Variants in ADGRB1 observed in about 807,000 individuals in gnomAD.
ADGRB1 encodes brain-specific angiogenesis inhibitor 1.
ADGRB1 carries 36 observed loss-of-function variants against 175.7 expected under a neutral mutation model. The ratio of observed to expected loss-of-function variants is 0.20; its 90% confidence interval spans 0.16 to 0.27. The LOEUF (loss-of-function observed/expected upper bound fraction) is 0.27, where lower values mean the gene tolerates loss of function less well. ADGRB1 is among the 10% of genes least tolerant of loss of function. ADGRB1 has a pLI of 1.00. For missense variants in ADGRB1, 1,731 were observed against 2,255.3 expected (o/e 0.77, Z 4.71); for synonymous variants, 1,054 against 979.4 (o/e 1.08, Z -1.42).
At chr8:142,471,768 G>T (rs910004010) in intron 2 of ADGRB1, among the ~76,000 whole-genome samples, 2 of 152,232 alleles carry the variant, frequency 1.3e-5, no homozygotes, top group African/African-American at 4.8e-5. Context: ...CCTCTGTGGC[G>T]GGAGGAAGGG....
chr8:142,453,723 G>A (rs1839496529), intron 1 of ADGRB1, among the ~76,000 whole-genome samples: 1 of 152,210 alleles, frequency 6.6e-6, no homozygotes. Context: ...CCCACCCCAA[G>A]CACTAAGGCT....
intron 24 of ADGRB1, among the ~76,000 whole-genome samples, chr8:142,526,897 C>G (rs550245754): frequency 2.9e-4 from 44 of 152,326 alleles, no homozygotes; most frequent in African/African-American, 9.6e-4. Context: ...TGCAGGGACA[C>G]CCCGCCTCTG....
intron 26 of ADGRB1, 82 bp from the exon 27 acceptor site, chr8:142,539,292 C>A: frequency 7.0e-7 from 1 of 1,428,974 alleles, no homozygotes. Flanking sequence ...AGCACCGTGG[C>A]CCTCCCGAGC....
At chr8:142,534,570 G>A (rs1160081041) in intron 25 of ADGRB1, among the ~76,000 whole-genome samples, 2 of 152,190 alleles carry the variant, frequency 1.3e-5, no homozygotes, top group Admixed American at 1.3e-4. Context: ...GGAAAGACAA[G>A]AGGAGGAAGA....
At chr8:142,489,575 T>G in intron 16 of ADGRB1, 137 bp downstream of exon 16, 1 of 967,888 alleles carries the variant, frequency 1.0e-6, no homozygotes, top group Non-Finnish European at 1.6e-6. Flanking sequence ...TATCCCTGGA[T>G]TACAGGTGGG....
intron 18 of ADGRB1, among the ~76,000 whole-genome samples, chr8:142,515,953 G>A (rs1843388452): frequency 6.6e-6 from 1 of 152,246 alleles, no homozygotes; most frequent in South Asian, 2.1e-4. Flanking sequence ...GCTACCTGGG[G>A]TAGTTCGAGG....
intron 21 of ADGRB1, 92 bp downstream of exon 21, chr8:142,522,207 T>C (rs1415960824): frequency 7.3e-6 from 11 of 1,508,778 alleles, no homozygotes; most frequent in Non-Finnish European, 9.8e-6. Flanking sequence ...CCCCATCCCC[T>C]GTGGACCCCT....
At position 142,464,530 on chromosome 8, in the gene ADGRB1, C is replaced by T. The variant is rs1423141330; in HGVS notation, c.332C>T (p.Thr111Met). 6.4e-7 allele frequency: 1 copy of T among 1,571,292 alleles called. No individual in the cohort carries two copies. The change falls in exon 2 of 31, where the codon ACG becomes ATG. Residue 111 changes from threonine (T) to methionine (M), a missense_variant. Thr to Met is a moderately conservative substitution (Grantham distance 81). Around this residue, in one of 8 missense-constraint regions of ADGRB1, gnomAD observed 383 missense variants for 383.1 expected, o/e 1.00. Coordinates refer to ENST00000517894, the MANE Select transcript of ADGRB1 (RefSeq NM_001702.3). ...CAGTTCGACTCCTTCCTCGAGTCCA[C>T]GCGCACCTACCTGGGCGTGGAGAGC... is the stretch of plus-strand genomic sequence containing the variant. ...TYQFDSFLES[T>M]RTYLGVESFD...
intron 11 of ADGRB1, 121 bp from the exon 12 acceptor site, chr8:142,483,856 T>A: frequency 9.5e-7 from 1 of 1,053,072 alleles, no homozygotes. Context: ...CACTGAGCCC[T>A]GATCCTGGTC....
At chr8:142,506,788 A>T (rs999581307) in intron 17 of ADGRB1, among the ~76,000 whole-genome samples, 1 of 152,190 alleles carries the variant, frequency 6.6e-6, no homozygotes, top group African/African-American at 2.4e-5. Flanking sequence ...TGCATCCAAG[A>T]TGCACACAAG....
At chr8:142,513,003 C>G (rs562150478) in intron 18 of ADGRB1, among the ~76,000 whole-genome samples, 2 of 152,114 alleles carry the variant, frequency 1.3e-5, no homozygotes, top group African/African-American at 4.8e-5. Context: ...GATACACAGT[C>G]CTGGGCCTTC....
chr8:142,474,716 C>T lies in ADGRB1; in HGVS notation c.785-758C>T, dbSNP rs1840853394. ...CTAGGGGAACACAGGTCCATGAAGGCCGCGGGGACTGTCGGGGCAGGGATG... is the reference window on the plus strand; with the variant it reads ...CTAGGGGAACACAGGTCCATGAAGGTCGCGGGGACTGTCGGGGCAGGGATG... On this transcript the variant is annotated intron_variant, in intron 2 of 30. Transcript: ENST00000517894. The surrounding 1 kb of genome is among the most constrained non-coding windows in gnomAD (Gnocchi z 5.8). Among the ~76,000 whole-genome samples the T allele has an allele frequency of 6.6e-6, 1 of 152,160 alleles. No individual in the cohort carries two copies. The highest frequency in any genetic ancestry group is 1.5e-5 in the Non-Finnish European group (1 of 68,014).
chr8:142,492,615 C>A lies in ADGRB1; in HGVS notation c.2675+1800C>A, dbSNP rs766057258. Among the ~76,000 whole-genome samples, 1 of 152,192 alleles carries A rather than the reference C, an allele frequency of 6.6e-6. No homozygotes were observed. Among genetic ancestry groups the A allele is most frequent in the African/African-American group, 2.4e-5 (1 of 41,438 alleles). On this transcript the variant is annotated intron_variant, in intron 17 of 30. Coordinates refer to ENST00000517894, the MANE Select transcript of ADGRB1 (RefSeq NM_001702.3). This position sits in a 1 kb window ranked among gnomAD's most constrained non-coding sequence, Gnocchi z 4.4. ...GGGATTGGCAGGTCACACCAGGCTC[C>A]TGCCTTCTCTGCACCCCACATGGTG...
chr8:142,489,721 G>A (rs887185928), intron 16 of ADGRB1, among the ~76,000 whole-genome samples: 9 of 152,264 alleles, frequency 5.9e-5, no homozygotes, highest in Non-Finnish European at 8.8e-5. Flanking sequence ...TGGTCATTCC[G>A]CTTCTGAGAA....
intron 2 of ADGRB1, among the ~76,000 whole-genome samples, chr8:142,475,156 C>A (rs1318574120): frequency 6.6e-6 from 1 of 152,198 alleles, no homozygotes; most frequent in East Asian, 1.9e-4. Context: ...CCTCTGCTTA[C>A]CATCAGGACG....
In ADGRB1 at chr8:142,464,560, A is replaced by C; in HGVS notation, c.362A>C (p.Asp121Ala). 6.5e-7 allele frequency: 1 copy of C among 1,549,156 alleles called. No individual in the cohort carries two copies. Among genetic ancestry groups the C allele is most frequent in the Non-Finnish European group, 8.7e-7 (1 of 1,150,128 alleles). Residue 121 changes from aspartate (D) to alanine (A), a missense_variant, in exon 2 of 31, where the codon GAC becomes GCC. By Grantham distance (126) the Asp-to-Ala change is moderately radical. Coordinates refer to ENST00000517894, the MANE Select transcript of ADGRB1 (RefSeq NM_001702.3). ...ACCTACCTGGGCGTGGAGAGCTTCG[A>C]CGAGGTGCTGCGGCTCTGCGACCCC... ...TRTYLGVESF[D>A]EVLRLCDPSA...
intron 19 of ADGRB1, 93 bp downstream of exon 19, chr8:142,518,334 C>G: frequency 7.5e-7 from 1 of 1,334,092 alleles, no homozygotes. Flanking sequence ...CGTGGGTGCC[C>G]CTCCCTCCAT....
In ADGRB1 at chr8:142,542,220, T is replaced by C; in HGVS notation, c.3986T>C (p.Leu1329Pro). The change falls in exon 28 of 31, where the codon CTG (leucine) becomes CCG (proline). Residue 1329 changes from leucine (L) to proline (P), a missense_variant. Physicochemically the swap from Leu to Pro is moderately conservative, Grantham distance 98. Around this residue, in one of 8 missense-constraint regions of ADGRB1, gnomAD observed 394 missense variants for 410.2 expected, o/e 0.96. Coordinates refer to ENST00000517894, the MANE Select transcript of ADGRB1 (RefSeq NM_001702.3). This position sits in a 1 kb window ranked among gnomAD's most constrained non-coding sequence, Gnocchi z 6.3. ...GGTGACGGGGACATCTTCAAGAAGC[T>C]GGACTCGGAGCTGAGCCGGGCCCAG... Reference protein sequence around the residue: ...FVGDGDIFKKLDSELSRAQEK... With the variant: ...FVGDGDIFKKPDSELSRAQEK... The C allele has an allele frequency of 2.5e-6, 4 of 1,613,654 alleles. No individual in the cohort carries two copies. The highest frequency in any genetic ancestry group is 3.4e-6 in the Non-Finnish European group (4 of 1,179,836).
chr8:142,465,481 G>A (rs1247218679), intron 2 of ADGRB1, among the ~76,000 whole-genome samples: 1 of 152,098 alleles, frequency 6.6e-6, no homozygotes, highest in African/African-American at 2.4e-5. Flanking sequence ...GGGTCGGCAG[G>A]TGGGCTCTGT....
Sources: allele counts gnomAD v4.1 joint callset (sites outside exome capture counted in the v4.1 genomes callset), GRCh38; gene constraint gnomAD v4.1.1; regional missense constraint gnomAD v4.1.1; non-coding constraint Gnocchi (gnomAD v3.1); transcripts MANE v1.5; gene names NCBI Gene and HGNC (gene_info 2026-07-23, HGNC 2026-07-21).